The following PTPRK variants were observed in gnomAD, a reference collection of about 807,000 sequenced individuals.
PTPRK encodes the protein receptor-type tyrosine-protein phosphatase kappa.
In PTPRK, 75 loss-of-function variants were observed where a neutral mutation model predicts 178.0. The observed-to-expected ratio is 0.42, with a 90% confidence interval of 0.35 to 0.51. PTPRK has a LOEUF of 0.51. PTPRK is among the 20% of genes least tolerant of loss of function. PTPRK has a pLI of 0.02. For synonymous variants in PTPRK, 637 were observed against 620.6 expected, an observed-to-expected ratio of 1.03 and a Z score of -0.39; for missense variants, 1,441 against 1,797.8, an observed-to-expected ratio of 0.80 and a Z score of 3.59.
chr6:128,306,072 G>A (rs530694101), intron 3 of PTPRK, among the ~76,000 whole-genome samples: 7 of 152,256 alleles, frequency 4.6e-5, no homozygotes, highest in Non-Finnish European at 5.9e-5. Flanking sequence ...CAAGAACAGC[G>A]TGGGGGAAAC....
At chr6:128,089,285 T>G (rs1328408305) in intron 8 of PTPRK, among the ~76,000 whole-genome samples, 1 of 152,164 alleles carries the variant, frequency 6.6e-6, no homozygotes, top group Admixed American at 6.5e-5. Flanking sequence ...TTTTCAAATG[T>G]GAGAAAAATA....
At chr6:128,421,035 A>G (rs189697905) in intron 1 of PTPRK, among the ~76,000 whole-genome samples, 2 of 152,324 alleles carry the variant, frequency 1.3e-5, no homozygotes, top group Admixed American at 1.3e-4. Context: ...TTCCTACATT[A>G]GCTTCTAGTT....
intron 13 of PTPRK, among the ~76,000 whole-genome samples, chr6:128,042,710 G>C (rs1186409287): frequency 6.6e-6 from 1 of 151,948 alleles, no homozygotes; most frequent in African/African-American, 2.4e-5. Flanking sequence ...ACAGCATCTG[G>C]GGATTAGATG....
At position 128,184,667 on chromosome 6, in the gene PTPRK, C is replaced by A; in HGVS notation, c.927G>T (p.Leu309=). Reference sequence around the variant, plus strand: ...TGATCGAGTTGGCATTTAGTTGGATCAGCAAATATGTAGGCCCAACACCAA... The same window carrying A: ...TGATCGAGTTGGCATTTAGTTGGATAAGCAAATATGTAGGCCCAACACCAA... ...QLLGVGPTYL[L]IQLNANSIIG... is the part of the protein sequence containing the mutation. Residue 309 remains leucine, a synonymous_variant, in exon 7 of 30, where the codon CTG becomes CTT. Transcript: ENST00000368226. The A allele has an allele frequency of 6.2e-7, 1 of 1,613,964 alleles. No individual in the cohort carries two copies. Among genetic ancestry groups the A allele is most frequent in the Non-Finnish European group, 8.5e-7 (1 of 1,179,956 alleles).
chr6:128,164,752 T>A (rs768903531), intron 7 of PTPRK, among the ~76,000 whole-genome samples: 5 of 150,912 alleles, frequency 3.3e-5, no homozygotes, highest in Non-Finnish European at 7.4e-5. Context: ...TAATAAATTA[T>A]TGGAGGGTAG....
chr6:128,269,800 T>C (rs771903913), intron 3 of PTPRK, among the ~76,000 whole-genome samples: 3 of 152,110 alleles, frequency 2.0e-5, no homozygotes, highest in Non-Finnish European at 4.4e-5. Context: ...GTGATGAAAG[T>C]TGAGTCAATT....
chr6:128,095,410 C>T (rs1787748386), intron 7 of PTPRK, among the ~76,000 whole-genome samples: 1 of 152,110 alleles, frequency 6.6e-6, no homozygotes, highest in African/African-American at 2.4e-5. Flanking sequence ...CAACCTACCC[C>T]ATTTTGTTGT....
intron 7 of PTPRK, among the ~76,000 whole-genome samples, chr6:128,159,021 A>C (rs544504962): frequency 5.2e-4 from 79 of 151,954 alleles, no homozygotes; most frequent in African/African-American, 1.9e-3. Context: ...TAATTAATTG[A>C]CTATATTGAA....
At chr6:127,990,336 G>T (rs560635646) in intron 21 of PTPRK, among the ~76,000 whole-genome samples, 1 of 151,996 alleles carries the variant, frequency 6.6e-6, no homozygotes, top group South Asian at 2.1e-4. Flanking sequence ...TATTGCCCTG[G>T]ACATAACCCG....
intron 2 of PTPRK, among the ~76,000 whole-genome samples, chr6:128,370,608 A>G (rs1836139699): frequency 1.3e-5 from 2 of 152,114 alleles, no homozygotes; most frequent in Admixed American, 6.6e-5. Flanking sequence ...AATTTCTACC[A>G]GTAAAACTGT....
intron 6 of PTPRK, among the ~76,000 whole-genome samples, chr6:128,215,395 C>T (rs186808785): frequency 6.6e-6 from 1 of 152,208 alleles, no homozygotes; most frequent in East Asian, 1.9e-4. Flanking sequence ...AATACTACTT[C>T]GACTTGTATT....
chr6:128,233,453 T>C (rs1812644355), intron 5 of PTPRK, among the ~76,000 whole-genome samples: 1 of 152,238 alleles, frequency 6.6e-6, no homozygotes, highest in Non-Finnish European at 1.5e-5. Flanking sequence ...GCCCCTTCAC[T>C]GAGAACGGTT....
At chr6:128,162,760 C>T (rs1295035026) in intron 7 of PTPRK, among the ~76,000 whole-genome samples, 5 of 151,696 alleles carry the variant, frequency 3.3e-5, no homozygotes, top group South Asian at 2.1e-4. Flanking sequence ...TGCTCAGAGA[C>T]GGTAGTCAAA....
intron 1 of PTPRK, among the ~76,000 whole-genome samples, chr6:128,407,087 A>G (rs931362533): frequency 2.0e-5 from 3 of 152,316 alleles, no homozygotes. Context: ...ACGTGTGTCA[A>G]TTAATTTGAA....
chr6:128,029,445 G>A (rs1774897457), intron 13 of PTPRK, among the ~76,000 whole-genome samples: 1 of 152,038 alleles, frequency 6.6e-6, no homozygotes, highest in East Asian at 1.9e-4. Flanking sequence ...GATCATTTGA[G>A]TTCAAGACCA....
chr6:128,372,779 T>C (rs576592854), intron 2 of PTPRK, among the ~76,000 whole-genome samples: 1 of 152,290 alleles, frequency 6.6e-6, no homozygotes, highest in African/African-American at 2.4e-5. Flanking sequence ...CCTACCTGGC[T>C]CTCAGAAAAG....
intron 7 of PTPRK, 93 bp downstream of exon 7, chr6:128,184,339 A>G (rs1390539090): frequency 8.9e-6 from 11 of 1,234,682 alleles, no homozygotes; most frequent in African/African-American, 6.1e-5. Flanking sequence ...TATATCATAT[A>G]TCAAATAATG....
At chr6:128,267,312 C>G (rs1819112430) in intron 3 of PTPRK, among the ~76,000 whole-genome samples, 2 of 152,068 alleles carry the variant, frequency 1.3e-5, no homozygotes, top group Non-Finnish European at 1.5e-5. Context: ...TATGTCCTCT[C>G]TTATTTCTTC....
intron 3 of PTPRK, among the ~76,000 whole-genome samples, chr6:128,251,237 G>C (rs1303357162): frequency 2.0e-5 from 3 of 152,128 alleles, no homozygotes; most frequent in African/African-American, 7.2e-5. Flanking sequence ...CTTTGCTTTA[G>C]AGTTGCTAAA....
Sources: allele counts gnomAD v4.1 joint callset (sites outside exome capture counted in the v4.1 genomes callset), GRCh38; gene constraint gnomAD v4.1.1; transcripts MANE v1.5; gene names NCBI Gene and HGNC (gene_info 2026-07-23, HGNC 2026-07-21).